SFSWAP: variants seen among roughly 807,000 people sequenced by gnomAD.
SFSWAP encodes the protein splicing factor, suppressor of white-apricot homolog.
In SFSWAP, 17 loss-of-function variants were observed where a neutral mutation model predicts 100.7. The ratio of observed to expected loss-of-function variants is 0.17; its 90% CI spans 0.12 to 0.25. SFSWAP has a LOEUF of 0.25. Among genes scored for constraint, SFSWAP ranks in the 10% least tolerant of loss-of-function variants. SFSWAP has a pLI of 1.00. For synonymous variants in SFSWAP, 504 were observed against 510.1 expected, an observed-to-expected ratio of 0.99 and a Z score of 0.16; for missense variants, 1,005 against 1,262.6, an observed-to-expected ratio of 0.80 and a Z score of 3.09.
intron 14 of SFSWAP, 42 bp from the exon 15 acceptor site, chr12:131,786,421 A>G (rs1349530557): frequency 6.4e-7 from 1 of 1,557,684 alleles, no homozygotes; most frequent in Non-Finnish European, 8.7e-7. Flanking sequence ...ACGTCCCGCC[A>G]GCCAGGCCAC....
chr12:131,768,256 A>C (rs1883287599), intron 13 of SFSWAP, among the ~76,000 whole-genome samples: 1 of 152,208 alleles, frequency 6.6e-6, no homozygotes, highest in Admixed American at 6.5e-5. Context: ...AAGTGGCCCC[A>C]CGTGTCTTTT....
Position 131,731,155 on chromosome 12 carries a change from A to G in SFSWAP, c.1081+2727A>G, listed in dbSNP as rs140964457. On this transcript the variant is annotated intron_variant, in intron 7 of 17. Coordinates refer to ENST00000261674, the MANE Select transcript of SFSWAP (RefSeq NM_004592.4). Reference sequence around the variant, plus strand: ...AGAACTTTGGCTCTAAATCACTGTAAAACCTAGCAGAAATCAGTATAAACC... The same window carrying G: ...AGAACTTTGGCTCTAAATCACTGTAGAACCTAGCAGAAATCAGTATAAACC... Among the ~76,000 whole-genome samples, 391 of 152,276 alleles carry G rather than the reference A, an allele frequency of 2.6e-3. 2 individuals are homozygous for G. Among genetic ancestry groups the G allele is most frequent in the Non-Finnish European group, 4.3e-3 (293 of 68,014 alleles).
In SFSWAP at chr12:131,730,084, G is replaced by A. The variant is rs935724892; in HGVS notation, c.1081+1656G>A. Among the ~76,000 whole-genome samples the A allele has an allele frequency of 4.6e-5, 7 of 152,304 alleles. No homozygotes were observed. Among genetic ancestry groups the A allele is most frequent in the East Asian group, 1.9e-4 (1 of 5,188 alleles). On this transcript the variant is annotated intron_variant, in intron 7 of 17. Transcript: ENST00000261674. This position sits in a 1 kb window ranked among gnomAD's most constrained non-coding sequence, Gnocchi z 4.0. ...GTCAGCTCTACTGCTACAGAGGTGCGTGTTCAATAGTGTAGGCAGCCAGCT... is the reference window on the plus strand; with the variant it reads ...GTCAGCTCTACTGCTACAGAGGTGCATGTTCAATAGTGTAGGCAGCCAGCT...
At chr12:131,716,157 C>T (rs900248118) in intron 3 of SFSWAP, among the ~76,000 whole-genome samples, 5 of 152,228 alleles carry the variant, frequency 3.3e-5, no homozygotes, top group African/African-American at 1.2e-4. Flanking sequence ...GTGGGGCAAA[C>T]GCACACACCG....
intron 13 of SFSWAP, among the ~76,000 whole-genome samples, chr12:131,775,235 G>A (rs1053834214): frequency 3.3e-5 from 5 of 152,128 alleles, no homozygotes; most frequent in Non-Finnish European, 5.9e-5. Flanking sequence ...CTTCCTTCTC[G>A]TCACAGAACA....
At chr12:131,746,890 G>A (rs528838641) in intron 7 of SFSWAP, among the ~76,000 whole-genome samples, 4 of 152,242 alleles carry the variant, frequency 2.6e-5, no homozygotes, top group African/African-American at 7.2e-5. Context: ...AGATCATGAG[G>A]TCAGGAGATC....
chr12:131,799,034 T>G lies in SFSWAP; in HGVS notation c.2718-3T>G. On this transcript the variant is annotated splice_polypyrimidine_tract_variant and splice_region_variant and intron_variant, in intron 16 of 17. Transcript: ENST00000261674. The stretch of plus-strand genomic sequence containing the variant: ...AGCTCTGCTCTCTCTCTCTCTGCAT[T>G]AGGGGAGTCTCTCAGGAAAAAGAAG... 1 of 1,610,440 alleles carries G rather than the reference T, an allele frequency of 6.2e-7. No homozygotes were observed. Among genetic ancestry groups the G allele is most frequent in the Non-Finnish European group, 8.5e-7 (1 of 1,176,614 alleles).
intron 7 of SFSWAP, among the ~76,000 whole-genome samples, chr12:131,752,859 T>C (rs1288844217): frequency 1.3e-5 from 2 of 152,228 alleles, no homozygotes; most frequent in Admixed American, 6.5e-5. Flanking sequence ...CTAGAGAGTA[T>C]TCATATCTGG....
intron 7 of SFSWAP, among the ~76,000 whole-genome samples, chr12:131,752,459 C>T (rs1441145623): frequency 6.6e-6 from 1 of 152,170 alleles, no homozygotes; most frequent in Non-Finnish European, 1.5e-5. Context: ...TGCTTGTGTG[C>T]ACAGCATAGG....
chr12:131,788,995 T>A (rs1237369018), intron 15 of SFSWAP, among the ~76,000 whole-genome samples: 2 of 151,930 alleles, frequency 1.3e-5, no homozygotes, highest in East Asian at 3.9e-4. Flanking sequence ...TTTATTTTTA[T>A]TTGAGATAGG....
In SFSWAP at chr12:131,794,115, A is replaced by G. The variant is rs921819278; in HGVS notation, c.2535-3063A>G. Among the ~76,000 whole-genome samples the G allele has an allele frequency of 1.3e-5, 2 of 152,220 alleles. No homozygotes were observed. The highest frequency in any genetic ancestry group is 4.8e-5 in the African/African-American group (2 of 41,452). ...ACTGGAAACAACCAAATCTCTATTA[A>G]CAGGAGAATGAATCAACAGATAATG... On this transcript the variant is annotated intron_variant, in intron 15 of 17. Coordinates refer to ENST00000261674, the MANE Select transcript of SFSWAP (RefSeq NM_004592.4). The surrounding 1 kb of genome is among the most constrained non-coding windows in gnomAD (Gnocchi z 4.8).
At chr12:131,768,516 G>A (rs1030713240) in intron 13 of SFSWAP, among the ~76,000 whole-genome samples, 8 of 152,154 alleles carry the variant, frequency 5.3e-5, no homozygotes, top group Admixed American at 1.3e-4. Context: ...AATAACTGAC[G>A]GGCAAGGAGG....
chr12:131,785,459 C>A, intron 14 of SFSWAP: 1 of 445,928 alleles, frequency 2.2e-6, no homozygotes, highest in African/African-American at 2.0e-5. Flanking sequence ...TCAAACCGCT[C>A]TTCTTTATAT....
At chr12:131,766,439 C>T in intron 13 of SFSWAP, 131 bp downstream of exon 13, 1 of 822,480 alleles carries the variant, frequency 1.2e-6, no homozygotes, top group Non-Finnish European at 1.9e-6. Flanking sequence ...TTCCTCCCGA[C>T]ATGGTTGAGT....
At chr12:131,750,799 C>T (rs1423791873) in intron 7 of SFSWAP, among the ~76,000 whole-genome samples, 1 of 152,238 alleles carries the variant, frequency 6.6e-6, no homozygotes, top group Non-Finnish European at 1.5e-5. Flanking sequence ...TCAAGCCATC[C>T]TCCTGCCACA....
rs1264760135 is a variant in SFSWAP at position 131,728,286 on chromosome 12, T to C, written c.946-7T>C. ...GAATGCTAAGGCTGTGTCTTCTCTG[T>C]TTCCAGCCCTTGAAGGTAGTGGACC... On this transcript the variant is annotated splice_region_variant and splice_polypyrimidine_tract_variant and intron_variant, in intron 6 of 17. Coordinates refer to ENST00000261674, the MANE Select transcript of SFSWAP (RefSeq NM_004592.4). The C allele has an allele frequency of 1.9e-6, 3 of 1,614,078 alleles. No individual in the cohort carries two copies. The highest frequency in any genetic ancestry group is 1.3e-5 in the African/African-American group (1 of 74,944).
chr12:131,795,653 CTG>C (rs1885585390), intron 15 of SFSWAP, among the ~76,000 whole-genome samples: 1 of 151,926 alleles, frequency 6.6e-6, no homozygotes, highest in Non-Finnish European at 1.5e-5. Context: ...CTTGGGGTAA[CTG>C]GGCCTGTGCA....
In SFSWAP at chr12:131,794,571, C is replaced by T. The variant is rs563267817; in HGVS notation, c.2535-2607C>T. Among the ~76,000 whole-genome samples the T allele has an allele frequency of 1.3e-5, 2 of 152,158 alleles. No individual in the cohort carries two copies. The highest frequency in any genetic ancestry group is 2.9e-5 in the Non-Finnish European group (2 of 68,032). ...AAAACCAAGAAGCCAAACCAACAAA[C>T]AAACACAGACATAGCGTGGGGTTTG... On this transcript the variant is annotated intron_variant, in intron 15 of 17. Coordinates refer to ENST00000261674, the MANE Select transcript of SFSWAP (RefSeq NM_004592.4). This position sits in a 1 kb window ranked among gnomAD's most constrained non-coding sequence, Gnocchi z 4.8.
intron 15 of SFSWAP, among the ~76,000 whole-genome samples, chr12:131,790,671 G>A (rs957752910): frequency 6.6e-6 from 1 of 152,142 alleles, no homozygotes; most frequent in Non-Finnish European, 1.5e-5. Context: ...TTATCTTATT[G>A]TAGCAAATAC....
Sources: allele counts gnomAD v4.1 joint callset (sites outside exome capture counted in the v4.1 genomes callset), GRCh38; gene constraint gnomAD v4.1.1; non-coding constraint Gnocchi (gnomAD v3.1); transcripts MANE v1.5; gene names NCBI Gene and HGNC (gene_info 2026-07-23, HGNC 2026-07-21).